TTC12: variants seen among roughly 807,000 people sequenced by gnomAD.
TTC12 encodes tetratricopeptide repeat protein 12.
A neutral mutation model predicts 90.1 loss-of-function variants in TTC12; 70 were observed. The ratio of observed to expected loss-of-function variants is 0.78; its 90% confidence interval spans 0.64 to 0.95. TTC12 has a LOEUF of 0.95. TTC12 is among the 40% of genes least tolerant of loss of function. The pLI, the probability that TTC12 is intolerant of heterozygous loss-of-function variation, is 0.00. For missense variants in TTC12, 819 were observed against 846.1 expected (o/e 0.97, Z 0.40); for synonymous variants, 296 against 311.5 (o/e 0.95, Z 0.53).
At chr11:113,338,692 G>T (rs564888768) in intron 8 of TTC12, 82 bp from the exon 9 acceptor site, 44 of 1,077,550 alleles carry the variant, frequency 4.1e-5, no homozygotes, top group Admixed American at 1.3e-4. Flanking sequence ...TAATGAAGCA[G>T]CCAAGCCCAA....
At chr11:113,325,382 C>T (rs892942265) in intron 5 of TTC12, 142 bp from the exon 6 acceptor site, 2 of 889,430 alleles carry the variant, frequency 2.2e-6, no homozygotes, top group African/African-American at 3.4e-5. Context: ...GAAGTATCTG[C>T]AGAAAAAAAC....
chr11:113,324,322 A>G lies in TTC12; in HGVS notation c.245-283A>G, dbSNP rs1276996021. The stretch of plus-strand genomic sequence containing the variant: ...CTCAGAAGCTCATTATGCTAAACGG[A>G]ACAAAAAAATCTCTCTTCAAAGAAA... On this transcript the variant is annotated intron_variant, in intron 4 of 21. Coordinates refer to ENST00000529221, the MANE Select transcript of TTC12 (RefSeq NM_017868.4). 2.4e-5 allele frequency: 13 copies of G among 536,904 alleles called. No individual in the cohort carries two copies. The African/African-American group carries it at 2.5e-4, about 10-fold the overall frequency. 33.3% of individuals were successfully genotyped at this position (536,904 alleles called of 1,614,324 possible).
intron 8 of TTC12, among the ~76,000 whole-genome samples, chr11:113,335,478 A>G (rs1040619430): frequency 6.6e-6 from 1 of 152,160 alleles, no homozygotes; most frequent in Non-Finnish European, 1.5e-5. Flanking sequence ...ATATGATTCA[A>G]TAGTTTTTAG....
At chr11:113,340,569 A>G (rs1414887555) in intron 10 of TTC12, 95 bp from the exon 11 acceptor site, 4 of 868,704 alleles carry the variant, frequency 4.6e-6, no homozygotes, top group East Asian at 2.4e-5. Flanking sequence ...GTGGCATTCC[A>G]TATTAGGTTT....
At chr11:113,363,563 A>G (rs377435072) in intron 19 of TTC12, among the ~76,000 whole-genome samples, 7 of 152,292 alleles carry the variant, frequency 4.6e-5, no homozygotes, top group Admixed American at 2.0e-4. Context: ...ACTTGCTCAT[A>G]AAGCCTTCCG....
At chr11:113,373,223 G>A (rs1012776463) in exon 22 of TTC12, 134 of 985,244 alleles carry the variant, frequency 1.4e-4, no homozygotes, top group African/African-American at 4.0e-4. Context: ...CAACCCATGC[G>A]ATTCATCCTT....
intron 10 of TTC12, 102 bp from the exon 11 acceptor site, chr11:113,340,562 G>A (rs1027177610): frequency 2.5e-6 from 2 of 813,934 alleles, no homozygotes; most frequent in Non-Finnish European, 4.3e-6. Context: ...GGGTACCGTG[G>A]CATTCCATAT....
chr11:113,324,993 C>T (rs1374234106), intron 5 of TTC12, among the ~76,000 whole-genome samples: 5 of 151,996 alleles, frequency 3.3e-5, no homozygotes, highest in African/African-American at 1.2e-4. Flanking sequence ...GAGTGAGCTG[C>T]CACTGGCTAG....
Position 113,365,117 on chromosome 11 carries a change from G to T in TTC12, c.2042+57G>T, listed in dbSNP as rs767834202. 4.5e-6 allele frequency: 7 copies of T among 1,539,970 alleles called. No homozygotes were observed. The Admixed American group carries it at 6.8e-5, about 15-fold the overall frequency. On this transcript the variant is annotated intron_variant, in intron 21 of 21. Transcript: ENST00000529221. The stretch of plus-strand genomic sequence containing the variant: ...ATTGCAGAAAGAGCAGCTGAGCTGA[G>T]GTGCTGAGTTTTGGCTGGGACTGCA...
intron 18 of TTC12, 96 bp downstream of exon 18, chr11:113,360,104 T>G (rs561652537): frequency 4.3e-5 from 24 of 562,590 alleles, no homozygotes; most frequent in Non-Finnish European, 7.0e-5. Flanking sequence ...TTTTTGAAGT[T>G]GCCACCTTTG....
chr11:113,323,115 A>AC (rs1290825012), intron 2 of TTC12, among the ~76,000 whole-genome samples, 173 bp from the exon 3 acceptor site: 1 of 151,636 alleles, frequency 6.6e-6, no homozygotes, highest in Non-Finnish European at 1.5e-5. Context: ...AAAAAAAAAA[A>AC]AAAAAACCTG....
chr11:113,366,301 G>A lies in TTC12; in HGVS notation c.*1G>A. On this transcript the variant is annotated 3_prime_UTR_variant, in exon 22 of 22. Coordinates refer to ENST00000529221, the MANE Select transcript of TTC12 (RefSeq NM_017868.4). The stretch of plus-strand genomic sequence containing the variant: ...GATGAAATACATCAGTGATTCTTGA[G>A]AGAGACAGGGTTTGTGTGCATTTGG... 1 of 1,613,468 alleles carries A rather than the reference G, an allele frequency of 6.2e-7. No individual in the cohort carries two copies. Among genetic ancestry groups the A allele is most frequent in the Non-Finnish European group, 8.5e-7 (1 of 1,180,012 alleles).
downstream of TTC12, chr11:113,368,902 C>T: frequency 5.6e-6 from 1 of 179,970 alleles, no homozygotes; most frequent in Middle Eastern, 2.4e-3. Flanking sequence ...GACAAGAAGA[C>T]ATTTAATACC....
At chr11:113,319,692 G>A (rs1174277533) in intron 2 of TTC12, among the ~76,000 whole-genome samples, 9 of 150,034 alleles carry the variant, frequency 6.0e-5, no homozygotes, top group African/African-American at 2.0e-4. Flanking sequence ...AAAAAAAAAA[G>A]CAGGACAACT....
At chr11:113,334,927 T>A in intron 7 of TTC12, 39 bp from the exon 8 acceptor site, 4 of 1,543,326 alleles carry the variant, frequency 2.6e-6, no homozygotes, top group Non-Finnish European at 3.6e-6. Context: ...TGACTTCACA[T>A]CTTCTAAAAC....
intron 13 of TTC12, among the ~76,000 whole-genome samples, chr11:113,347,338 C>T (rs1407482987): frequency 1.3e-5 from 2 of 152,160 alleles, no homozygotes; most frequent in Admixed American, 6.5e-5. Flanking sequence ...CATAGATGTC[C>T]TCTGCGTACC....
intron 2 of TTC12, among the ~76,000 whole-genome samples, chr11:113,321,688 G>A (rs1555138560): frequency 6.6e-6 from 1 of 152,194 alleles, no homozygotes; most frequent in Non-Finnish European, 1.5e-5. Flanking sequence ...GGCCATGTGT[G>A]TTGCTTTGGC....
intron 16 of TTC12, among the ~76,000 whole-genome samples, chr11:113,352,952 C>T (rs1276052315): frequency 6.6e-6 from 1 of 152,146 alleles, no homozygotes; most frequent in Non-Finnish European, 1.5e-5. Context: ...GATTTCTATT[C>T]CTTTGGGTAT....
chr11:113,366,118 G>T (rs1379367675), intron 21 of TTC12, 107 bp from the exon 22 acceptor site: 5 of 1,208,964 alleles, frequency 4.1e-6, no homozygotes, highest in Non-Finnish European at 6.0e-6. Flanking sequence ...CAGAGTGATA[G>T]GACTGACGTT....
Sources: allele counts gnomAD v4.1 joint callset (sites outside exome capture counted in the v4.1 genomes callset), GRCh38; gene constraint gnomAD v4.1.1; transcripts MANE v1.5; gene names NCBI Gene and HGNC (gene_info 2026-07-23, HGNC 2026-07-21).